Variants in ITGA10 observed in about 807,000 individuals in gnomAD.
The protein encoded by ITGA10 is integrin alpha-10.
Under a neutral mutation model 145.2 loss-of-function variants are expected in ITGA10, and 105 were observed. The ratio of observed to expected loss-of-function variants is 0.72; its 90% CI spans 0.62 to 0.85. The LOEUF (loss-of-function observed/expected upper bound fraction) is 0.85, where lower values mean the gene tolerates loss of function less well. ITGA10 is among the 40% of genes least tolerant of loss of function. The probability of loss-of-function intolerance (pLI) is 0.00; values close to 1 mark genes in which losing one functional copy is unlikely to be tolerated. For synonymous variants in ITGA10, 506 were observed against 557.8 expected (o/e 0.91, Z 1.31); for missense variants, 1,317 against 1,444.5 (o/e 0.91, Z 1.43).
Position 145,897,333 on chromosome 1 carries a change from T to G in ITGA10, c.2581A>C (p.Ser861Arg), listed in dbSNP as rs1415232812. The change falls in exon 21 of 30, where the codon AGC becomes CGC. Residue 861 changes from serine (S) to arginine (R), a missense_variant. Ser to Arg is a moderately radical substitution (Grantham distance 110, BLOSUM62 -1). Transcript: ENST00000369304. ...GCGGCACATTCCACCTTTATTGGGC[T>G]CTCTCTCTGAGGGCAGGGGAATGGA... Reference protein sequence around the residue: ...HLASLTPQRESPIKVECAAPS... With the variant: ...HLASLTPQRERPIKVECAAPS... The G allele has an allele frequency of 6.2e-7, 1 of 1,613,868 alleles. No individual in the cohort carries two copies. The highest frequency in any genetic ancestry group is 1.7e-5 in the Admixed American group (1 of 60,012).
At chr1:145,896,134 A>G in intron 24 of ITGA10, 38 bp from the exon 25 acceptor site, 2 of 1,558,152 alleles carry the variant, frequency 1.3e-6, no homozygotes, top group Non-Finnish European at 1.8e-6. Flanking sequence ...AGTGGGAGAC[A>G]GAAGACCCTT....
Position 145,897,829 on chromosome 1 carries a change from G to A in ITGA10, c.2418C>T (p.Asp806=). The part of the protein sequence containing the change: ...VTDLVLQVNM[D]IRGSRKAPFV... The stretch of plus-strand genomic sequence containing the variant: ...GTCCATCCAACCTGGAGCCTCTGAT[G>A]TCCATATTCACTTGAAGCACCAGGT... Residue 806 remains aspartate (D), a synonymous_variant, in exon 19 of 30, where the codon GAC becomes GAT. Transcript: ENST00000369304. The A allele has an allele frequency of 6.2e-7, 1 of 1,613,968 alleles. No individual in the cohort carries two copies.
intron 15 of ITGA10, 92 bp from the exon 16 acceptor site, chr1:145,899,433 A>G (rs1477802049): frequency 5.0e-6 from 7 of 1,408,162 alleles, no homozygotes; most frequent in Non-Finnish European, 6.8e-6. Context: ...GGTCAAAACA[A>G]AGAAGGAGGG....
rs782534558 is a variant in ITGA10 at position 145,897,646 on chromosome 1, G to A, written c.2440C>T (p.Pro814Ser). ...NMDIRGSRKA[P>S]FVVRGGRRKV... ...CGCCGGCCACCTCGAACCACAAATG[G>A]GGCCTTCCTGGGAATGATGAATGAG... is the stretch of plus-strand genomic sequence containing the variant. Residue 814 changes from proline (P) to serine (S), a missense_variant, in exon 20 of 30, where the codon CCA (proline) becomes TCA (serine). Coordinates refer to ENST00000369304, the MANE Select transcript of ITGA10 (RefSeq NM_003637.5). 3 of 1,614,068 alleles carry A rather than the reference G, an allele frequency of 1.9e-6. No homozygotes were observed. Among genetic ancestry groups the A allele is most frequent in the Non-Finnish European group, 2.5e-6 (3 of 1,180,020 alleles).
Position 145,901,508 on chromosome 1 carries a change from T to C in ITGA10, c.1443+8A>G. 1 of 1,553,358 alleles carries C rather than the reference T, an allele frequency of 6.4e-7. No individual in the cohort carries two copies. The highest frequency in any genetic ancestry group is 8.7e-7 in the Non-Finnish European group (1 of 1,153,206). ...TCCAAAGGTCCCACCCTTCCTTGGATGCCCTACCTGCTCCCCCTGGAGGCT... is the reference window on the plus strand; with the variant it reads ...TCCAAAGGTCCCACCCTTCCTTGGACGCCCTACCTGCTCCCCCTGGAGGCT... On this transcript the variant is annotated splice_region_variant and intron_variant, in intron 12 of 29. Coordinates refer to ENST00000369304, the MANE Select transcript of ITGA10 (RefSeq NM_003637.5). This position sits in a 1 kb window ranked among gnomAD's most constrained non-coding sequence, Gnocchi z 4.3.
chr1:145,899,558 G>A (rs1177847125), intron 15 of ITGA10, among the ~76,000 whole-genome samples: 1 of 151,826 alleles, frequency 6.6e-6, no homozygotes, highest in Non-Finnish European at 1.5e-5. Flanking sequence ...GCCCACGCTG[G>A]AGTGCAGTGG....
chr1:145,895,690 G>A lies in ITGA10; in HGVS notation c.3055C>T (p.Leu1019=). 1 of 1,614,224 alleles carries A rather than the reference G, an allele frequency of 6.2e-7. No homozygotes were observed. The highest frequency in any genetic ancestry group is 8.5e-7 in the Non-Finnish European group (1 of 1,180,032). The part of the protein sequence containing the change: ...TNNASCIVQN[L]TEPPGPPVHP... ...ACAGGTGGGCCTGGGGGTTCAGTCA[G>A]GTTCTGCACTATGCAGCTTGCCTAG... Residue 1019 remains leucine, a synonymous_variant, in exon 26 of 30, where the codon CTG becomes TTG. Transcript: ENST00000369304.
At chr1:145,902,775 C>T (rs782787378) in intron 8 of ITGA10, 36 bp downstream of exon 8, 9 of 1,587,354 alleles carry the variant, frequency 5.7e-6, no homozygotes, top group Middle Eastern at 3.4e-4. Context: ...CCCCCTGCCA[C>T]TCCCCAACTC....
chr1:145,893,679 T>C, intron 27 of ITGA10, 44 bp from the exon 28 acceptor site: 1 of 1,465,778 alleles, frequency 6.8e-7, no homozygotes, highest in Non-Finnish European at 9.5e-7. Flanking sequence ...TGAGCCATTA[T>C]CAGGTGATAT....
chr1:145,904,253 G>C, intron 6 of ITGA10, 53 bp from the exon 7 acceptor site: 1 of 1,564,080 alleles, frequency 6.4e-7, no homozygotes. Context: ...TGGGGGGAGA[G>C]GAGGAAGAAG....
chr1:145,899,381 T>A, intron 15 of ITGA10, 40 bp from the exon 16 acceptor site: 1 of 1,598,762 alleles, frequency 6.3e-7, no homozygotes, highest in African/African-American at 1.3e-5. Context: ...CAGTAGGAGG[T>A]AAGCCCTCTG....
At chr1:145,893,068 T>C in intron 29 of ITGA10, 93 bp downstream of exon 29, 1 of 1,050,830 alleles carries the variant, frequency 9.5e-7, no homozygotes, top group South Asian at 1.3e-5. Flanking sequence ...CCTGGTTAGC[T>C]GCCCAGCACA....
Position 145,901,745 on chromosome 1 carries a change from A to T in ITGA10, c.1295-81T>A, listed in dbSNP as rs1656352260. 7.8e-6 allele frequency: 12 copies of T among 1,535,650 alleles called. No homozygotes were observed. The highest frequency in any genetic ancestry group is 1.1e-5 in the Non-Finnish European group (12 of 1,137,734). On this transcript the variant is annotated intron_variant, in intron 11 of 29. Transcript: ENST00000369304. This position sits in a 1 kb window ranked among gnomAD's most constrained non-coding sequence, Gnocchi z 4.3. ...GGGGGTTCCCTAAAGGCATAGCAGGAGGTCCCAAGGGAAGTAACCAGAGGT... is the reference window on the plus strand; with the variant it reads ...GGGGGTTCCCTAAAGGCATAGCAGGTGGTCCCAAGGGAAGTAACCAGAGGT...
At chr1:145,898,251 C>G in intron 17 of ITGA10, 28 bp from the exon 18 acceptor site, 1 of 1,414,826 alleles carries the variant, frequency 7.1e-7, no homozygotes, top group Non-Finnish European at 1.0e-6. Flanking sequence ...CACAGAGTCA[C>G]AGAGTCAAGG....
At chr1:145,897,459 TC>T (rs1553745643) in intron 20 of ITGA10, 52 bp downstream of exon 20, 1 of 1,607,408 alleles carries the variant, frequency 6.2e-7, no homozygotes, top group Non-Finnish European at 8.5e-7. Flanking sequence ...AATACCCCAA[TC>T]TTCTTCCTCC....
At chr1:145,902,640 G>A (rs1357136657) in intron 8 of ITGA10, 21 bp from the exon 9 acceptor site, 1 of 1,581,560 alleles carries the variant, frequency 6.3e-7, no homozygotes, top group Non-Finnish European at 8.6e-7. Flanking sequence ...ATAAGATCAA[G>A]GAATGAGGCA....
Position 145,899,171 on chromosome 1 carries a change from TCA to T in ITGA10, c.2089+2_2089+3del. 6.2e-7 allele frequency: 1 copy of T among 1,614,188 alleles called. No individual in the cohort carries two copies. The highest frequency in any genetic ancestry group is 8.5e-7 in the Non-Finnish European group (1 of 1,180,040). On this transcript the variant is annotated splice_donor_variant and splice_donor_region_variant and intron_variant, in intron 16 of 29. Transcript: ENST00000369304. LOFTEE classifies it high-confidence loss of function. ...GTTGCCTGTGATGCATTTTAGTCAC[TCA>T]CAGAATTGGTGATCCCAGCGACCAG... is the stretch of plus-strand genomic sequence containing the variant.
At chr1:145,906,955 G>T in intron 3 of ITGA10, 86 bp downstream of exon 3, 1 of 1,173,496 alleles carries the variant, frequency 8.5e-7, no homozygotes, top group South Asian at 1.5e-5. Context: ...GGATTTTAGG[G>T]GTGAAAAAGC....
chr1:145,894,858 T>C (rs1435045968), intron 27 of ITGA10, among the ~76,000 whole-genome samples: 1 of 152,230 alleles, frequency 6.6e-6, no homozygotes, highest in Non-Finnish European at 1.5e-5. Context: ...GTTGGAGATA[T>C]TCTCAGTGTC....
Sources: allele counts gnomAD v4.1 joint callset (sites outside exome capture counted in the v4.1 genomes callset), GRCh38; gene constraint gnomAD v4.1.1; non-coding constraint Gnocchi (gnomAD v3.1); transcripts MANE v1.5; gene names NCBI Gene and HGNC (gene_info 2026-07-23, HGNC 2026-07-21).